CNTLN: variants seen among roughly 807,000 people sequenced by gnomAD.
CNTLN encodes centlein, also known as centlein, centrosomal protein.
Under a neutral mutation model 180.0 loss-of-function variants are expected in CNTLN, and 212 were observed. That is an observed-to-expected ratio of 1.18 (90% CI 1.05 to 1.32). The LOEUF is 1.32. Ranked by LOEUF, CNTLN falls within the 40% of genes most tolerant of loss-of-function variation. The probability of loss-of-function intolerance (pLI) is 0.00; values close to 1 mark genes in which losing one functional copy is unlikely to be tolerated. For missense variants in CNTLN, 2,095 were observed against 1,610.9 expected (o/e 1.30, Z -5.14); for synonymous variants, 722 against 563.1 (o/e 1.28, Z -3.99).
chr9:17,264,030 A>G (rs1827213330), intron 5 of CNTLN, among the ~76,000 whole-genome samples: 1 of 146,098 alleles, frequency 6.8e-6, no homozygotes, highest in African/African-American at 2.6e-5. Flanking sequence ...TTTGCTGTGC[A>G]GAAGCTCTTT....
intron 2 of CNTLN, among the ~76,000 whole-genome samples, chr9:17,175,984 T>C (rs115179021): frequency 0.011 from 1,599 of 152,246 alleles, 28 homozygotes; most frequent in African/African-American, 0.036. Flanking sequence ...TTTTTAATGA[T>C]CCCTTGATTT....
At chr9:17,491,312 T>A (rs1259103847) in intron 25 of CNTLN, among the ~76,000 whole-genome samples, 1 of 152,068 alleles carries the variant, frequency 6.6e-6, no homozygotes, top group Non-Finnish European at 1.5e-5. Context: ...GAGATAAAAA[T>A]TCACTACTGT....
intron 7 of CNTLN, chr9:17,301,661 C>G (rs114192143): frequency 2.1e-6 from 2 of 969,668 alleles, no homozygotes; most frequent in African/African-American, 1.8e-5. Flanking sequence ...TGTAGTTGTT[C>G]ATACAGTTTT....
intron 2 of CNTLN, among the ~76,000 whole-genome samples, chr9:17,184,080 C>T (rs1299018638): frequency 2.0e-5 from 3 of 152,060 alleles, no homozygotes; most frequent in Non-Finnish European, 2.9e-5. Flanking sequence ...AACGAATAAT[C>T]TGAAATGTTC....
intron 5 of CNTLN, among the ~76,000 whole-genome samples, chr9:17,260,493 C>T (rs952275722): frequency 8.6e-5 from 13 of 151,210 alleles, no homozygotes; most frequent in African/African-American, 2.9e-4. Flanking sequence ...GTTCTTTGCC[C>T]ACTTTTTAAT....
At chr9:17,444,631 T>A (rs1441022150) in intron 18 of CNTLN, among the ~76,000 whole-genome samples, 1 of 152,186 alleles carries the variant, frequency 6.6e-6, no homozygotes, top group Admixed American at 6.5e-5. Flanking sequence ...GCTTGATTAA[T>A]AAAAATGGAA....
At chr9:17,299,034 G>A (rs1818155199) in intron 7 of CNTLN, 2 of 600,976 alleles carry the variant, frequency 3.3e-6, no homozygotes, top group South Asian at 1.5e-4. Context: ...ACAAGGTCAA[G>A]AGATCGAGAC....
chr9:17,281,859 C>T (rs1469503559), intron 6 of CNTLN, among the ~76,000 whole-genome samples: 1 of 152,298 alleles, frequency 6.6e-6, no homozygotes, highest in East Asian at 1.9e-4. Context: ...TTTGAGGAAT[C>T]GCCACACTGT....
chr9:17,390,286 C>CTGGA (rs1414812694), intron 14 of CNTLN, among the ~76,000 whole-genome samples: 1 of 132,248 alleles, frequency 7.6e-6, no homozygotes, highest in East Asian at 2.4e-4. Context: ...GTCACCCAGG[C>CTGGA]TGGAGTACAG....
intron 5 of CNTLN, among the ~76,000 whole-genome samples, chr9:17,267,303 AG>A (rs1167729923): frequency 6.6e-6 from 1 of 152,122 alleles, no homozygotes; most frequent in Admixed American, 6.5e-5. Context: ...TATGAAGGTT[AG>A]GTTGGCTGGA....
intron 2 of CNTLN, among the ~76,000 whole-genome samples, chr9:17,166,182 T>C (rs1039072230): frequency 4.6e-5 from 7 of 152,044 alleles, no homozygotes; most frequent in African/African-American, 1.7e-4. Flanking sequence ...GAAAATTTGG[T>C]GGATGTGAAA....
chr9:17,497,298 G>A (rs1042236879), intron 25 of CNTLN, among the ~76,000 whole-genome samples: 11 of 152,106 alleles, frequency 7.2e-5, no homozygotes, highest in African/African-American at 2.2e-4. Context: ...TTTTGGGGAC[G>A]AGAATTATAG....
intron 2 of CNTLN, among the ~76,000 whole-genome samples, chr9:17,145,200 G>C (rs1204577033): frequency 6.6e-6 from 1 of 152,182 alleles, no homozygotes; most frequent in Non-Finnish European, 1.5e-5. Flanking sequence ...GAATCTCTAG[G>C]GGGTGGGACC....
In CNTLN at chr9:17,487,265, G is replaced by T. The variant is rs1832940752; in HGVS notation, c.4119+199G>T. ...TTAACAAATGAAACAAATACCTTGG[G>T]ATAGAGCCAACATGGGTCTTAGCAA... On this transcript the variant is annotated intron_variant, in intron 25 of 25. Transcript: ENST00000380647. 3 of 562,240 alleles carry T rather than the reference G, an allele frequency of 5.3e-6. No homozygotes were observed. The East Asian group carries it at 9.5e-5, about 18-fold the overall frequency. 34.8% of individuals were successfully genotyped at this position (562,240 alleles called of 1,614,324 possible).
rs546573082 is a variant in CNTLN, at chr9:17,185,622, G to T, written c.450-40581G>T. 7.9e-5 allele frequency among the ~76,000 whole-genome samples: 12 copies of T among 152,148 alleles called. No homozygotes were observed. The East Asian group carries it at 2.3e-3, about 29-fold the overall frequency. The stretch of plus-strand genomic sequence containing the variant: ...AATGACGGGTGGGATCTACTATAAG[G>T]GTTCCCCAGAGCATTGAAGAGGTTT... On this transcript the variant is annotated intron_variant, in intron 2 of 25. Coordinates refer to ENST00000380647, the MANE Select transcript of CNTLN (RefSeq NM_017738.4).
At chr9:17,167,388 G>T in intron 2 of CNTLN, 1 of 146,390 alleles carries the variant, frequency 6.8e-6, no homozygotes, top group Non-Finnish European at 1.5e-5. Context: ...AATGAGAAAA[G>T]CTGTCTATAC....
At chr9:17,441,623 T>C (rs1439818435) in intron 18 of CNTLN, among the ~76,000 whole-genome samples, 1 of 142,972 alleles carries the variant, frequency 7.0e-6, no homozygotes. Flanking sequence ...TGAAATACAA[T>C]GAAAGATAGC....
chr9:17,308,738 C>G (rs1818915962), intron 7 of CNTLN, among the ~76,000 whole-genome samples: 1 of 151,738 alleles, frequency 6.6e-6, no homozygotes, highest in Non-Finnish European at 1.5e-5. Context: ...ATACAGCTAG[C>G]TTAAAGTATT....
intron 15 of CNTLN, among the ~76,000 whole-genome samples, chr9:17,398,430 G>C (rs1462065767): frequency 6.6e-6 from 1 of 152,114 alleles, no homozygotes; most frequent in Non-Finnish European, 1.5e-5. Context: ...GAGATTAATA[G>C]GTGATTGGTG....
Sources: gnomAD v4.1 joint callset for allele counts (sites outside exome capture counted in the v4.1 genomes callset) on GRCh38, gnomAD v4.1.1 for gene constraint, MANE v1.5 for transcripts, NCBI Gene and HGNC (gene_info 2026-07-23, HGNC 2026-07-21) for gene names.